EYS: variants seen among roughly 807,000 people sequenced by gnomAD.
The protein encoded by EYS is protein eyes shut homolog.
EYS carries 250 observed loss-of-function variants against 282.1 expected under a neutral mutation model. The ratio of observed to expected loss-of-function variants is 0.89; its 90% CI spans 0.80 to 0.98. The LOEUF is 0.98. EYS is among the 50% of genes least tolerant of loss of function. The pLI is 0.00. For missense variants in EYS, 4,016 were observed against 3,709.0 expected, an observed-to-expected ratio of 1.08 and a Z score of -2.15; for synonymous variants, 1,355 against 1,282.9, an observed-to-expected ratio of 1.06 and a Z score of -1.20.
intron 15 of EYS, among the ~76,000 whole-genome samples, chr6:64,944,590 A>T (rs1769210337): frequency 6.6e-6 from 1 of 152,074 alleles, no homozygotes. Flanking sequence ...AGTCTGAAAT[A>T]TGGCCTCCTG....
chr6:65,314,066 T>C (rs570452689), intron 11 of EYS, among the ~76,000 whole-genome samples: 2 of 152,218 alleles, frequency 1.3e-5, no homozygotes, highest in Admixed American at 1.3e-4. Context: ...TGCCTTTCCA[T>C]TGGCTGTTCC....
intron 19 of EYS, among the ~76,000 whole-genome samples, chr6:64,854,361 C>G (rs1456414602): frequency 7.9e-5 from 12 of 151,976 alleles, no homozygotes; most frequent in Non-Finnish European, 1.0e-4. Flanking sequence ...AAATGTCCAA[C>G]AACGATAGAC....
At chr6:64,026,722 G>A (rs1769534206) in intron 33 of EYS, among the ~76,000 whole-genome samples, 1 of 152,038 alleles carries the variant, frequency 6.6e-6, no homozygotes, top group South Asian at 2.1e-4. Flanking sequence ...TCCTATTAAT[G>A]ATAATCCTCC....
chr6:63,737,413 C>T (rs1371020711), intron 41 of EYS, among the ~76,000 whole-genome samples: 13 of 152,072 alleles, frequency 8.5e-5, no homozygotes, highest in Non-Finnish European at 1.6e-4. Context: ...TATATTGAAC[C>T]AGCCTTGCAT....
intron 11 of EYS, among the ~76,000 whole-genome samples, chr6:65,300,029 A>G (rs1272440326): frequency 2.0e-5 from 3 of 152,142 alleles, no homozygotes; most frequent in African/African-American, 7.2e-5. Flanking sequence ...GGTCATATGC[A>G]TTTACTTTTA....
Position 65,249,032 on chromosome 6 carries a change from G to A in EYS, c.2023+46831C>T, listed in dbSNP as rs116796434. ...TAAGTTGATTTAAGAATATTTTCTG[G>A]GTTTAGTAAAATGTGTCCTATAAAA... On this transcript the variant is annotated intron_variant, in intron 12 of 42. Transcript: ENST00000503581. 2.6e-5 allele frequency among the ~76,000 whole-genome samples: 4 copies of A among 151,130 alleles called. No individual in the cohort carries two copies. The Admixed American group carries it at 2.6e-4, about 10-fold the overall frequency.
rs544798334 is a variant in EYS, at chr6:65,495,291, C to T, written c.120G>A (p.Val40=). The T allele has an allele frequency of 6.2e-7, 1 of 1,614,036 alleles. No homozygotes were observed. The highest frequency in any genetic ancestry group is 1.3e-5 in the African/African-American group (1 of 75,030). Residue 40 remains valine, a synonymous_variant, in exon 4 of 43, where the codon GTG becomes GTA. Coordinates refer to ENST00000503581, the MANE Select transcript of EYS (RefSeq NM_001142800.2). ...TGTTTTCTGTTAGTGTCCAATTTACCACATATGATGAGGGTTGTGGATGCC... is the reference window on the plus strand; with the variant it reads ...TGTTTTCTGTTAGTGTCCAATTTACTACATATGATGAGGGTTGTGGATGCC... ...EEWHPQPSSY[V]VNWTLTENIC... is the part of the protein sequence containing the mutation.
At chr6:63,862,157 A>G (rs1290319178) in intron 36 of EYS, among the ~76,000 whole-genome samples, 1 of 152,014 alleles carries the variant, frequency 6.6e-6, no homozygotes, top group Non-Finnish European at 1.5e-5. Flanking sequence ...GACCTGTTAA[A>G]ATGCCCTCCA....
intron 28 of EYS, among the ~76,000 whole-genome samples, chr6:64,434,143 A>G (rs993436606): frequency 2.0e-5 from 3 of 151,976 alleles, no homozygotes; most frequent in African/African-American, 7.3e-5. Context: ...TAGGAGATAG[A>G]CACATACAAA....
intron 12 of EYS, among the ~76,000 whole-genome samples, chr6:65,204,768 T>C (rs1765986049): frequency 6.6e-6 from 1 of 151,244 alleles, no homozygotes; most frequent in Admixed American, 6.6e-5. Context: ...TGTACATAAA[T>C]AGCCTAAACA....
intron 35 of EYS, among the ~76,000 whole-genome samples, chr6:63,902,747 G>A (rs114931982): frequency 0.011 from 1,600 of 151,988 alleles, 35 homozygotes; most frequent in African/African-American, 0.037. Flanking sequence ...AAATCCAAAA[G>A]GGAATTCAAA....
At chr6:64,995,901 G>A (rs2150125106) in intron 14 of EYS, among the ~76,000 whole-genome samples, 1 of 152,236 alleles carries the variant, frequency 6.6e-6, no homozygotes, top group African/African-American at 2.4e-5. Context: ...TCCTTGACTT[G>A]TCAAATGACT....
intron 2 of EYS, among the ~76,000 whole-genome samples, chr6:65,525,739 A>G (rs1374403065): frequency 7.2e-5 from 11 of 152,242 alleles, no homozygotes; most frequent in Non-Finnish European, 1.6e-4. Flanking sequence ...GGACAACAGT[A>G]TATCTTTACA....
chr6:65,600,643 G>A (rs953531208), intron 2 of EYS, among the ~76,000 whole-genome samples: 8 of 151,912 alleles, frequency 5.3e-5, no homozygotes, highest in Non-Finnish European at 1.2e-4. Flanking sequence ...TTGTGGTACC[G>A]CCAAATCCCA....
chr6:64,697,619 G>C (rs1770627603), intron 22 of EYS, among the ~76,000 whole-genome samples: 1 of 152,122 alleles, frequency 6.6e-6, no homozygotes, highest in African/African-American at 2.4e-5. Context: ...TTCTCCAAGA[G>C]AGGCCATATG....
Position 64,582,411 on chromosome 6 carries a change from C to T in EYS, c.5644+7812G>A, listed in dbSNP as rs139718089. On this transcript the variant is annotated intron_variant, in intron 26 of 42. Transcript: ENST00000503581. ...GTTTCATCCCAAAACCATCCCCTAG[C>T]CCCCCATGGAAAAACTGTCTTCCAC... is the stretch of plus-strand genomic sequence containing the variant. 3.3e-5 allele frequency among the ~76,000 whole-genome samples: 5 copies of T among 152,148 alleles called. No individual in the cohort carries two copies. In the East Asian group the frequency reaches 7.8e-4, roughly 24 times the overall value.
intron 26 of EYS, among the ~76,000 whole-genome samples, chr6:64,546,121 A>G (rs1415868160): frequency 6.6e-6 from 1 of 152,212 alleles, no homozygotes; most frequent in East Asian, 1.9e-4. Context: ...ACTTCAAACT[A>G]TACTACAAGG....
chr6:64,579,186 C>T (rs1024335584), intron 26 of EYS, among the ~76,000 whole-genome samples: 1 of 152,124 alleles, frequency 6.6e-6, no homozygotes, highest in African/African-American at 2.4e-5. Context: ...CTGCCCTGGC[C>T]TTTCTCAATA....
chr6:64,510,681 T>C (rs954233636), intron 26 of EYS, among the ~76,000 whole-genome samples: 4 of 152,214 alleles, frequency 2.6e-5, no homozygotes, highest in African/African-American at 9.6e-5. Context: ...TATGTACACT[T>C]GCATAATCCC....
Sources: allele counts gnomAD v4.1 joint callset (sites outside exome capture counted in the v4.1 genomes callset), GRCh38; gene constraint gnomAD v4.1.1; transcripts MANE v1.5; gene names NCBI Gene and HGNC (gene_info 2026-07-23, HGNC 2026-07-21).